BMP6: variants seen among roughly 807,000 people sequenced by gnomAD.
BMP6 encodes the protein VG-1-R.
BMP6 carries 17 observed loss-of-function variants against 54.1 expected under a neutral mutation model. The observed-to-expected ratio is 0.31, with a 90% CI of 0.22 to 0.47. The LOEUF is 0.47. Ranked by LOEUF, BMP6 falls within the 20% of genes least tolerant of loss-of-function variation. The probability of loss-of-function intolerance (pLI) is 1.00; values close to 1 mark genes in which losing one functional copy is unlikely to be tolerated. For missense variants in BMP6, 720 were observed against 690.4 expected (o/e 1.04, Z -0.48); for synonymous variants, 328 against 291.2 (o/e 1.13, Z -1.28).
chr6:7,829,269 T>G (rs1758751496), intron 1 of BMP6, among the ~76,000 whole-genome samples: 1 of 151,928 alleles, frequency 6.6e-6, no homozygotes, highest in South Asian at 2.1e-4. Context: ...GTATGTCTTC[T>G]CTCTCTCTCT....
chr6:7,820,229 AT>A (rs1180019245), intron 1 of BMP6, among the ~76,000 whole-genome samples: 1 of 152,156 alleles, frequency 6.6e-6, no homozygotes, highest in East Asian at 1.9e-4. Flanking sequence ...CATACATGTG[AT>A]TTTGTAAGTA....
At chr6:7,789,825 C>T (rs1037112875) in intron 1 of BMP6, among the ~76,000 whole-genome samples, 2 of 152,200 alleles carry the variant, frequency 1.3e-5, no homozygotes, top group African/African-American at 4.8e-5. Context: ...CTCTGATACC[C>T]CTTGCCAGCC....
intron 1 of BMP6, among the ~76,000 whole-genome samples, chr6:7,801,437 C>A (rs763804823): frequency 6.6e-6 from 1 of 152,308 alleles, no homozygotes; most frequent in East Asian, 1.9e-4. Flanking sequence ...AGAGCAAACC[C>A]AGGTGAACAG....
At chr6:7,783,581 G>A (rs570978004) in intron 1 of BMP6, among the ~76,000 whole-genome samples, 131 of 152,198 alleles carry the variant, frequency 8.6e-4, no homozygotes, top group Non-Finnish European at 1.7e-3. Flanking sequence ...GATAAATCAC[G>A]CCAAGGGCGC....
At chr6:7,828,608 G>A (rs565569837) in intron 1 of BMP6, among the ~76,000 whole-genome samples, 11 of 152,190 alleles carry the variant, frequency 7.2e-5, no homozygotes, top group African/African-American at 2.2e-4. Flanking sequence ...CTTCAGGTCC[G>A]GATGGGTGGC....
intron 1 of BMP6, among the ~76,000 whole-genome samples, chr6:7,816,115 C>T (rs1758522155): frequency 6.6e-6 from 1 of 152,182 alleles, no homozygotes; most frequent in African/African-American, 2.4e-5. Context: ...TCCTAGGTTG[C>T]AAAGCCATCA....
chr6:7,824,655 A>G (rs181115590), intron 1 of BMP6, among the ~76,000 whole-genome samples: 49 of 152,352 alleles, frequency 3.2e-4, no homozygotes, highest in Admixed American at 4.6e-4. Context: ...TGATAATTCC[A>G]AAAGGGTAAT....
chr6:7,750,516 T>A (rs944021141), intron 1 of BMP6, among the ~76,000 whole-genome samples: 1 of 152,190 alleles, frequency 6.6e-6, no homozygotes, highest in African/African-American at 2.4e-5. Context: ...ACTTTTGCAA[T>A]AACGATAACT....
intron 1 of BMP6, among the ~76,000 whole-genome samples, chr6:7,823,054 ACCCCAAGATTTTC>A (rs1758640254): frequency 6.6e-6 from 1 of 152,006 alleles, no homozygotes; most frequent in Admixed American, 6.6e-5. Flanking sequence ...AACATTCTGA[ACCCCAAGATTTTC>A]TGTGTTATAT....
At chr6:7,788,869 CTG>C (rs1758053893) in intron 1 of BMP6, among the ~76,000 whole-genome samples, 1 of 129,358 alleles carries the variant, frequency 7.7e-6, no homozygotes, top group Non-Finnish European at 1.6e-5. Flanking sequence ...CATCCTATCT[CTG>C]TTTTTTTTTT....
At chr6:7,862,026 G>T (rs1023245235) in intron 3 of BMP6, among the ~76,000 whole-genome samples, 1 of 152,200 alleles carries the variant, frequency 6.6e-6, no homozygotes, top group Non-Finnish European at 1.5e-5. Flanking sequence ...GGAGGGCAGG[G>T]TAACTGCAGA....
chr6:7,834,963 C>G (rs1758849887), intron 1 of BMP6, among the ~76,000 whole-genome samples: 1 of 152,134 alleles, frequency 6.6e-6, no homozygotes, highest in Non-Finnish European at 1.5e-5. Flanking sequence ...GAGCTAGGAA[C>G]CCACAGACAG....
At chr6:7,734,187 G>C (rs544812886) in intron 1 of BMP6, among the ~76,000 whole-genome samples, 1 of 152,298 alleles carries the variant, frequency 6.6e-6, no homozygotes, top group African/African-American at 2.4e-5. Context: ...CTGGGGACAC[G>C]TATGCCCCAG....
At chr6:7,814,490 T>C (rs138277314) in intron 1 of BMP6, among the ~76,000 whole-genome samples, 17 of 152,210 alleles carry the variant, frequency 1.1e-4, no homozygotes, top group African/African-American at 4.1e-4. Context: ...AGTTTGAGTG[T>C]TTTTTTTCTT....
intron 1 of BMP6, among the ~76,000 whole-genome samples, chr6:7,819,539 G>A (rs1758577620): frequency 1.3e-5 from 2 of 152,132 alleles, no homozygotes; most frequent in Admixed American, 6.5e-5. Context: ...GGGATGTAAG[G>A]GGAGAGAAAG....
At chr6:7,775,691 T>C (rs1012926100) in intron 1 of BMP6, among the ~76,000 whole-genome samples, 1 of 152,348 alleles carries the variant, frequency 6.6e-6, no homozygotes, top group South Asian at 2.1e-4. Flanking sequence ...TCTGTTACCC[T>C]ATCCCTTGCT....
intron 1 of BMP6, among the ~76,000 whole-genome samples, chr6:7,749,783 T>G (rs1281766862): frequency 1.3e-5 from 2 of 152,192 alleles, no homozygotes; most frequent in African/African-American, 4.8e-5. Context: ...ACATTTAACT[T>G]TCTTAAAGTA....
intron 1 of BMP6, among the ~76,000 whole-genome samples, chr6:7,772,058 A>AC (rs1757797419): frequency 6.6e-6 from 1 of 151,434 alleles, no homozygotes; most frequent in South Asian, 2.1e-4. Context: ...CCTCAAAAAA[A>AC]AAAACCAAAA....
rs78920448 is a variant in BMP6, at chr6:7,873,435, T to G, written c.1205-5639T>G. Among the ~76,000 whole-genome samples, 726 of 152,258 alleles carry G rather than the reference T, an allele frequency of 4.8e-3. 2 individuals are homozygous for G. Among genetic ancestry groups the G allele is most frequent in the Non-Finnish European group, 6.4e-3 (432 of 68,002 alleles). On this transcript the variant is annotated intron_variant, in intron 4 of 6. Transcript: ENST00000283147. ...GGGTGGTTGGAGCTTCCACACCCTT[T>G]TGGGTGCACCGTCCTCTTGAAACAT...
Sources: allele counts gnomAD v4.1 joint callset (sites outside exome capture counted in the v4.1 genomes callset), GRCh38; gene constraint gnomAD v4.1.1; transcripts MANE v1.5; gene names NCBI Gene and HGNC (gene_info 2026-07-23, HGNC 2026-07-21).